Variants in CTNNAL1 observed in about 807,000 individuals in gnomAD.
CTNNAL1 encodes the protein alpha-catulin.
Under a neutral mutation model 93.6 loss-of-function variants are expected in CTNNAL1, and 69 were observed. The ratio of observed to expected loss-of-function variants is 0.74; its 90% CI spans 0.61 to 0.90. The LOEUF (loss-of-function observed/expected upper bound fraction) is 0.90. CTNNAL1 is among the 40% of genes least tolerant of loss of function. The pLI, the probability that CTNNAL1 is intolerant of heterozygous loss-of-function variation, is 0.00. For synonymous variants in CTNNAL1, 286 were observed against 305.4 expected (o/e 0.94, Z 0.66); for missense variants, 836 against 862.0 (o/e 0.97, Z 0.38).
At chr9:108,943,897 T>C in intron 16 of CTNNAL1, 65 bp downstream of exon 16, 6 of 1,598,682 alleles carry the variant, frequency 3.8e-6, no homozygotes, top group Non-Finnish European at 4.3e-6. Context: ...TACATTGATA[T>C]TATACCCCCA....
At chr9:108,980,508 C>T (rs752120170) in intron 6 of CTNNAL1, among the ~76,000 whole-genome samples, 24 of 152,142 alleles carry the variant, frequency 1.6e-4, no homozygotes, top group Non-Finnish European at 3.1e-4. Context: ...ATGTGTGACC[C>T]ATTTTAACAT....
intron 4 of CTNNAL1, among the ~76,000 whole-genome samples, chr9:108,989,274 C>G (rs770303451): frequency 6.6e-6 from 1 of 151,790 alleles, no homozygotes; most frequent in African/African-American, 2.4e-5. Context: ...CTCAAGTGAT[C>G]AAGAAAATGC....
At chr9:108,998,985 T>G (rs1587987935) in intron 2 of CTNNAL1, 82 bp downstream of exon 2, 1 of 1,455,028 alleles carries the variant, frequency 6.9e-7, no homozygotes, top group East Asian at 2.3e-5. Flanking sequence ...TATATCTTTA[T>G]TCCAAATAAA....
intron 15 of CTNNAL1, 134 bp from the exon 16 acceptor site, chr9:108,944,152 A>T (rs28361180): frequency 1.2e-6 from 1 of 843,238 alleles, no homozygotes; most frequent in Non-Finnish European, 1.8e-6. Flanking sequence ...AGGAACTCCT[A>T]AACTTTTTCC....
intron 2 of CTNNAL1, 124 bp downstream of exon 2, chr9:108,998,943 T>C: frequency 8.4e-7 from 1 of 1,194,778 alleles, no homozygotes; most frequent in Non-Finnish European, 1.1e-6. Context: ...TCCAGGCCTT[T>C]AATGTCTGAG....
At chr9:108,972,560 G>T in intron 9 of CTNNAL1, 115 bp downstream of exon 9, 1 of 897,346 alleles carries the variant, frequency 1.1e-6, no homozygotes, top group Non-Finnish European at 1.7e-6. Context: ...AGATGCCAAA[G>T]GAGAGAGAAA....
chr9:108,968,617 G>A (rs1416778027), intron 10 of CTNNAL1, among the ~76,000 whole-genome samples: 1 of 152,208 alleles, frequency 6.6e-6, no homozygotes, highest in Non-Finnish European at 1.5e-5. Flanking sequence ...TCCCTTGGTT[G>A]TAATAAAGTG....
chr9:108,963,357 A>G (rs1186758981), intron 11 of CTNNAL1: 1 of 152,216 alleles, frequency 6.6e-6, no homozygotes, highest in East Asian at 1.9e-4. Flanking sequence ...GAAAACTAGA[A>G]CCATATCCAT....
At chr9:108,963,818 C>G (rs1234455347) in intron 11 of CTNNAL1, among the ~76,000 whole-genome samples, 1 of 152,186 alleles carries the variant, frequency 6.6e-6, no homozygotes, top group Non-Finnish European at 1.5e-5. Context: ...CGAAAGTACA[C>G]TAACTTCAGG....
At chr9:108,993,424 T>C (rs1437602047) in intron 2 of CTNNAL1, among the ~76,000 whole-genome samples, 1 of 152,156 alleles carries the variant, frequency 6.6e-6, no homozygotes, top group Non-Finnish European at 1.5e-5. Context: ...GCCTGGACTT[T>C]GGGTGGGGAA....
Position 108,992,640 on chromosome 9 carries a change from T to A in CTNNAL1, c.511A>T (p.Arg171Ter). 1.2e-6 allele frequency: 2 copies of A among 1,608,718 alleles called. No homozygotes were observed. The highest frequency in any genetic ancestry group is 1.7e-6 in the Non-Finnish European group (2 of 1,178,044). Residue 171 changes from arginine to a stop codon, truncating the protein, a stop_gained, in exon 3 of 19, where the codon AGA becomes TGA. Transcript: ENST00000325551. LOFTEE classifies it high-confidence loss of function. ...ATCAGAAAGGTAAGTACCTTATTTC[T>A]TGATGTTATTATCTGTTTAATGACT... ...RVVIKQIITSRNKVLATMERL... is the reference protein window; with the variant it reads ...RVVIKQIITS
intron 11 of CTNNAL1, among the ~76,000 whole-genome samples, chr9:108,962,121 T>C (rs930710725): frequency 3.3e-5 from 5 of 152,350 alleles, no homozygotes; most frequent in Middle Eastern, 3.4e-3. Flanking sequence ...GTTTACTCAC[T>C]GTGGGATACT....
chr9:109,008,876 CTTTTTTTTTTTT>C (rs1162375548), intron 1 of CTNNAL1, among the ~76,000 whole-genome samples: 9 of 54,892 alleles, frequency 1.6e-4, no homozygotes, highest in Middle Eastern at 0.019. Context: ...AACAGAGGTT[CTTTTTTTTTTTT>C]TTTTTTTTTT....
At chr9:108,977,910 A>G (rs1327093414) in intron 7 of CTNNAL1, among the ~76,000 whole-genome samples, 1 of 152,218 alleles carries the variant, frequency 6.6e-6, no homozygotes, top group Non-Finnish European at 1.5e-5. Context: ...ATTCTTGCAG[A>G]CAAAGATTTT....
At chr9:108,978,588 T>C (rs188250942) in intron 7 of CTNNAL1, among the ~76,000 whole-genome samples, 11 of 152,322 alleles carry the variant, frequency 7.2e-5, no homozygotes, top group Admixed American at 7.2e-4. Context: ...CTCTCCACTT[T>C]GCAATCCACC....
chr9:108,963,412 A>G (rs1272839092), intron 11 of CTNNAL1: 2 of 152,320 alleles, frequency 1.3e-5, no homozygotes, highest in African/African-American at 4.8e-5. Flanking sequence ...TGGAAGAAGT[A>G]CAAGTAATGA....
chr9:108,970,346 T>C (rs1831075690), intron 10 of CTNNAL1, 56 bp downstream of exon 10: 2 of 1,478,100 alleles, frequency 1.4e-6, no homozygotes, highest in South Asian at 2.8e-5. Context: ...CCACACAACT[T>C]GTTATAACAC....
At chr9:108,949,598 C>T (rs561563866) in intron 14 of CTNNAL1, among the ~76,000 whole-genome samples, 1 of 152,086 alleles carries the variant, frequency 6.6e-6, no homozygotes, top group East Asian at 1.9e-4. Context: ...AATCCCAGCA[C>T]TTTGGGAGGC....
At chr9:108,962,386 A>AT (rs765902431) in intron 11 of CTNNAL1, among the ~76,000 whole-genome samples, 18 of 151,964 alleles carry the variant, frequency 1.2e-4, no homozygotes, top group Non-Finnish European at 2.4e-4. Context: ...TTCCCTAGCT[A>AT]TTTTTTTTAA....
Sources: gnomAD v4.1 joint callset for allele counts (sites outside exome capture counted in the v4.1 genomes callset) on GRCh38, gnomAD v4.1.1 for gene constraint, MANE v1.5 for transcripts, NCBI Gene and HGNC (gene_info 2026-07-23, HGNC 2026-07-21) for gene names.